The following SGPL1 variants were observed in gnomAD, a reference collection of about 807,000 sequenced individuals.
The protein encoded by SGPL1 is SP-lyase 1.
In SGPL1, 37 loss-of-function variants were observed where a neutral mutation model predicts 68.9. The observed-to-expected ratio is 0.54, with a 90% CI of 0.41 to 0.71. SGPL1 has a LOEUF of 0.71. Among genes scored for constraint, SGPL1 ranks in the 30% least tolerant of loss-of-function variants. SGPL1 has a pLI of 0.00. For missense variants in SGPL1, 551 were observed against 704.6 expected (o/e 0.78, Z 2.47); for synonymous variants, 236 against 248.5 (o/e 0.95, Z 0.47).
chr10:70,826,713 A>G (rs953177337), intron 2 of SGPL1, among the ~76,000 whole-genome samples: 19 of 152,310 alleles, frequency 1.2e-4, no homozygotes, highest in Admixed American at 7.2e-4. Flanking sequence ...CTTTTTAAAA[A>G]TAGTTTTAAC....
chr10:70,849,759 C>G (rs1845849661), intron 3 of SGPL1, among the ~76,000 whole-genome samples: 1 of 152,336 alleles, frequency 6.6e-6, no homozygotes, highest in African/African-American at 2.4e-5. Flanking sequence ...AGTAGAAGTT[C>G]ATATTCAGTT....
chr10:70,847,298 A>C (rs1027199395), intron 3 of SGPL1, among the ~76,000 whole-genome samples: 2 of 152,038 alleles, frequency 1.3e-5, no homozygotes, highest in African/African-American at 4.8e-5. Context: ...ATAGGTGCCC[A>C]CTATCACGCC....
chr10:70,853,796 G>A (rs532258628), intron 4 of SGPL1, among the ~76,000 whole-genome samples: 1 of 152,288 alleles, frequency 6.6e-6, no homozygotes, highest in Admixed American at 6.5e-5. Context: ...TTAATATTTT[G>A]GGGTCAGACA....
At chr10:70,872,115 C>CT in intron 11 of SGPL1, 129 bp downstream of exon 11, 1 of 928,878 alleles carries the variant, frequency 1.1e-6, no homozygotes, top group Non-Finnish European at 1.6e-6. Context: ...GTTTTAAACT[C>CT]TCTCTTTGCC....
Position 70,877,504 on chromosome 10 carries a change from T to A in SGPL1, c.*169T>A. On this transcript the variant is annotated 3_prime_UTR_variant, in exon 15 of 15. Transcript: ENST00000373202. ...ATTCTTGTTCTTCCTCTTATCTTCC[T>A]TTTGTGGTTTTTAATTTGAAGACCC... The A allele has an allele frequency of 1.8e-6, 1 of 554,002 alleles. No homozygotes were observed. The highest frequency in any genetic ancestry group is 3.1e-6 in the Non-Finnish European group (1 of 320,884). 34.3% of individuals were successfully genotyped at this position (554,002 alleles called of 1,614,324 possible).
At chr10:70,848,740 G>T (rs1231528772) in intron 3 of SGPL1, among the ~76,000 whole-genome samples, 1 of 152,118 alleles carries the variant, frequency 6.6e-6, no homozygotes, top group East Asian at 1.9e-4. Context: ...GGGATAACAG[G>T]CGTGAACCAC....
At chr10:70,868,307 T>C (rs761963511) in intron 7 of SGPL1, 38 bp from the exon 8 acceptor site, 1 of 1,458,348 alleles carries the variant, frequency 6.9e-7, no homozygotes, top group Admixed American at 1.8e-5. Context: ...GGGGCATTCC[T>C]GACTCCCCCA....
intron 2 of SGPL1, among the ~76,000 whole-genome samples, chr10:70,822,222 T>TA (rs145427127): frequency 0.043 from 6,536 of 152,228 alleles, 166 homozygotes; most frequent in African/African-American, 0.068. Flanking sequence ...GATAGGACAT[T>TA]AAAAAATTTG....
intron 7 of SGPL1, among the ~76,000 whole-genome samples, chr10:70,862,844 C>T (rs183991293): frequency 2.3e-4 from 35 of 152,288 alleles, no homozygotes; most frequent in African/African-American, 7.7e-4. Flanking sequence ...TAACACTCAC[C>T]GCGAGGGTCC....
At chr10:70,867,030 T>G (rs1200760676) in intron 7 of SGPL1, among the ~76,000 whole-genome samples, 1 of 152,174 alleles carries the variant, frequency 6.6e-6, no homozygotes. Context: ...TGACATTGAG[T>G]GAAACACTTT....
chr10:70,858,675 T>G (rs139085082), intron 6 of SGPL1, among the ~76,000 whole-genome samples: 3 of 152,378 alleles, frequency 2.0e-5, no homozygotes, highest in African/African-American at 7.2e-5. Flanking sequence ...TACAAGTTTC[T>G]TCATGAGCCA....
chr10:70,823,131 C>T (rs1019956158), intron 2 of SGPL1, among the ~76,000 whole-genome samples: 2 of 151,932 alleles, frequency 1.3e-5, no homozygotes, highest in Non-Finnish European at 2.9e-5. Context: ...ATTCAAGGGG[C>T]GTGTGTGTGT....
At chr10:70,825,383 T>C (rs989926009) in intron 2 of SGPL1, among the ~76,000 whole-genome samples, 1 of 152,158 alleles carries the variant, frequency 6.6e-6, no homozygotes, top group African/African-American at 2.4e-5. Context: ...AAATGCTGGA[T>C]GGAGGATCTG....
At chr10:70,840,892 C>T (rs1475352561) in intron 2 of SGPL1, among the ~76,000 whole-genome samples, 1 of 152,030 alleles carries the variant, frequency 6.6e-6, no homozygotes, top group Non-Finnish European at 1.5e-5. Context: ...TACTTTTTTG[C>T]TCAGTGCTGT....
At chr10:70,841,678 T>A (rs955929253) in intron 2 of SGPL1, among the ~76,000 whole-genome samples, 3 of 152,160 alleles carry the variant, frequency 2.0e-5, no homozygotes, top group African/African-American at 7.2e-5. Flanking sequence ...TATGAATTTT[T>A]GGGGGATGTA....
At chr10:70,852,833 T>TG (rs1845909458) in intron 4 of SGPL1, among the ~76,000 whole-genome samples, 1 of 152,234 alleles carries the variant, frequency 6.6e-6, no homozygotes, top group African/African-American at 2.4e-5. Flanking sequence ...GGGGATATGG[T>TG]GGTGAACAAG....
Position 70,876,542 on chromosome 10 carries a change from A to G in SGPL1, c.1447A>G (p.Ile483Val). 1 of 1,610,044 alleles carries G rather than the reference A, an allele frequency of 6.2e-7. No individual in the cohort carries two copies. Among genetic ancestry groups the G allele is most frequent in the Non-Finnish European group, 8.5e-7 (1 of 1,178,558 alleles). The change falls in exon 14 of 15, where the codon ATT (isoleucine) becomes GTT (valine). Residue 483 changes from isoleucine to valine, a missense_variant and splice_region_variant. Ile to Val is a conservative substitution (Grantham distance 29). Coordinates refer to ENST00000373202, the MANE Select transcript of SGPL1 (RefSeq NM_003901.4). ...NLNQLQFPPS[I>V]HFCITLLHAR... ...CTCTCTCTGTCTCTTCTTTCCTAGT[A>G]TTCATTTCTGCATCACATTACTACA...
At chr10:70,849,320 T>C (rs1845839821) in intron 3 of SGPL1, among the ~76,000 whole-genome samples, 1 of 152,242 alleles carries the variant, frequency 6.6e-6, no homozygotes, top group Non-Finnish European at 1.5e-5. Flanking sequence ...TGATGAACTA[T>C]TATAACATTA....
chr10:70,873,325 T>G (rs748361139), intron 11 of SGPL1, 26 bp from the exon 12 acceptor site: 1 of 1,560,266 alleles, frequency 6.4e-7, no homozygotes, highest in Non-Finnish European at 8.8e-7. Context: ...TACTCTCACT[T>G]TTCTTGTCTG....
Sources: allele counts gnomAD v4.1 joint callset (sites outside exome capture counted in the v4.1 genomes callset), GRCh38; gene constraint gnomAD v4.1.1; transcripts MANE v1.5; gene names NCBI Gene and HGNC (gene_info 2026-07-23, HGNC 2026-07-21).